CSMD1: variants seen among roughly 807,000 people sequenced by gnomAD.
CSMD1 encodes CUB and sushi domain-containing protein 1.
Under a neutral mutation model 417.5 loss-of-function variants are expected in CSMD1, and 213 were observed. The observed-to-expected ratio is 0.51, with a 90% CI of 0.46 to 0.57. The LOEUF (loss-of-function observed/expected upper bound fraction) is 0.57, where lower values mean the gene tolerates loss of function less well. Ranked by LOEUF, CSMD1 falls within the 20% of genes least tolerant of loss-of-function variation. CSMD1 has a pLI of 0.00. For missense variants in CSMD1, 6,923 were observed against 4,529.7 expected (o/e 1.53, Z -15.17); for synonymous variants, 2,862 against 1,736.8 (o/e 1.65, Z -16.11).
intron 1 of CSMD1, among the ~76,000 whole-genome samples, chr8:4,946,569 A>G (rs921336808): frequency 7.9e-5 from 12 of 152,208 alleles, no homozygotes; most frequent in African/African-American, 1.7e-4. Flanking sequence ...CTGACTCTGT[A>G]TAAGTGAATA....
At chr8:4,556,983 T>G (rs993703997) in intron 2 of CSMD1, among the ~76,000 whole-genome samples, 2 of 152,238 alleles carry the variant, frequency 1.3e-5, no homozygotes, top group African/African-American at 4.8e-5. Flanking sequence ...TAAGCTAATG[T>G]GCATTCTGAA....
At chr8:3,639,719 C>T (rs796532876) in intron 7 of CSMD1, among the ~76,000 whole-genome samples, 26 of 152,282 alleles carry the variant, frequency 1.7e-4, no homozygotes, top group African/African-American at 6.3e-4. Context: ...TCTTTGATTT[C>T]TCAATGATTT....
chr8:3,803,952 G>C (rs1475578968), intron 5 of CSMD1, among the ~76,000 whole-genome samples: 1 of 152,028 alleles, frequency 6.6e-6, no homozygotes, highest in Non-Finnish European at 1.5e-5. Context: ...TTTTGAGGTG[G>C]AGTCTTGCTC....
At chr8:4,523,467 AAC>A (rs1245476651) in intron 2 of CSMD1, among the ~76,000 whole-genome samples, 1 of 152,150 alleles carries the variant, frequency 6.6e-6, no homozygotes, top group Non-Finnish European at 1.5e-5. Flanking sequence ...TAAATATTGA[AAC>A]ACATATGTTA....
At chr8:3,856,200 A>G (rs952567616) in intron 5 of CSMD1, among the ~76,000 whole-genome samples, 7 of 152,000 alleles carry the variant, frequency 4.6e-5, no homozygotes, top group African/African-American at 1.4e-4. Flanking sequence ...TGCTGTTCTC[A>G]TGATAGAGTT....
chr8:4,495,032 T>C (rs375347435), intron 2 of CSMD1, among the ~76,000 whole-genome samples: 2 of 151,936 alleles, frequency 1.3e-5, no homozygotes, highest in Non-Finnish European at 2.9e-5. Context: ...AGAGATCACT[T>C]AGAACGTGGC....
chr8:3,162,055 C>T lies in CSMD1; in HGVS notation c.5844+104G>A, dbSNP rs946247768. On this transcript the variant is annotated intron_variant, in intron 38 of 69. Coordinates refer to ENST00000635120, the MANE Select transcript of CSMD1 (RefSeq NM_033225.6). ...TAATATGAATAGTATGATTCACAAA[C>T]TGAGTGAGGAAAACATGGGTACAAA... The T allele has an allele frequency of 5.5e-6, 4 of 722,642 alleles. No individual in the cohort carries two copies. In the South Asian group the frequency reaches 6.6e-5, roughly 12 times the overall value. 44.8% of individuals were successfully genotyped at this position (722,642 alleles called of 1,614,324 possible).
At chr8:3,816,506 T>C (rs1455767639) in intron 5 of CSMD1, among the ~76,000 whole-genome samples, 1 of 152,194 alleles carries the variant, frequency 6.6e-6, no homozygotes, top group Non-Finnish European at 1.5e-5. Flanking sequence ...TTAAACTTCC[T>C]CATAGATGTT....
At chr8:4,123,959 G>GA (rs1351365380) in intron 3 of CSMD1, among the ~76,000 whole-genome samples, 20 of 151,830 alleles carry the variant, frequency 1.3e-4, no homozygotes, top group Admixed American at 5.9e-4. Flanking sequence ...AAAAAAGCTG[G>GA]AAAAAAGTTT....
At chr8:3,788,923 G>C (rs573377255) in intron 5 of CSMD1, among the ~76,000 whole-genome samples, 4 of 152,262 alleles carry the variant, frequency 2.6e-5, no homozygotes, top group South Asian at 4.2e-4. Flanking sequence ...CTTAGGCTAT[G>C]GGTACGTATT....
At chr8:3,739,543 G>T (rs1332018554) in intron 6 of CSMD1, among the ~76,000 whole-genome samples, 1 of 151,768 alleles carries the variant, frequency 6.6e-6, no homozygotes, top group Non-Finnish European at 1.5e-5. Flanking sequence ...CACGTCAATT[G>T]AAAAAAAGGG....
intron 25 of CSMD1, among the ~76,000 whole-genome samples, chr8:3,300,946 G>C (rs548901273): frequency 1.9e-5 from 2 of 105,310 alleles, no homozygotes; most frequent in East Asian, 6.0e-4. Flanking sequence ...ACAACAGAGT[G>C]AGACTCTGTC....
At chr8:4,896,378 ATTTTCAAAAT>A (rs1339409034) in intron 1 of CSMD1, among the ~76,000 whole-genome samples, 2 of 152,036 alleles carry the variant, frequency 1.3e-5, no homozygotes, top group Admixed American at 1.3e-4. Flanking sequence ...TTGCTTTTGC[ATTTTCAAAAT>A]TATTTACTCG....
intron 1 of CSMD1, among the ~76,000 whole-genome samples, chr8:4,882,627 C>G (rs570330970): frequency 2.6e-5 from 4 of 151,942 alleles, no homozygotes. Context: ...CAACTATCCA[C>G]CGGGTTTCCC....
intron 1 of CSMD1, chr8:4,788,341 C>T (rs1050607494): frequency 2.0e-6 from 3 of 1,531,936 alleles, no homozygotes; most frequent in African/African-American, 1.4e-5. Context: ...GGGAACACTG[C>T]ATATCCAGTT....
chr8:4,845,529 G>A (rs146891102), intron 1 of CSMD1, among the ~76,000 whole-genome samples: 6 of 152,160 alleles, frequency 3.9e-5, no homozygotes, highest in Admixed American at 3.9e-4. Flanking sequence ...TACGTATTTT[G>A]GCCACTGTTG....
At chr8:4,206,144 C>T (rs190458560) in intron 3 of CSMD1, among the ~76,000 whole-genome samples, 7 of 152,120 alleles carry the variant, frequency 4.6e-5, no homozygotes, top group Non-Finnish European at 7.4e-5. Context: ...TTACCTTTTC[C>T]CTGGCTATTA....
chr8:4,271,197 T>C (rs1466542499), intron 3 of CSMD1, among the ~76,000 whole-genome samples: 2 of 152,096 alleles, frequency 1.3e-5, no homozygotes, highest in East Asian at 1.9e-4. Flanking sequence ...TGGATAGATG[T>C]AAACATATAT....
chr8:3,772,866 T>G, intron 5 of CSMD1, among the ~76,000 whole-genome samples: 1 of 152,018 alleles, frequency 6.6e-6, no homozygotes, highest in East Asian at 1.9e-4. Flanking sequence ...ACATCCTTAG[T>G]GCATTCAGGG....
Sources: allele counts gnomAD v4.1 joint callset (sites outside exome capture counted in the v4.1 genomes callset), GRCh38; gene constraint gnomAD v4.1.1; transcripts MANE v1.5; gene names NCBI Gene and HGNC (gene_info 2026-07-23, HGNC 2026-07-21).